Variants in GRM1 observed in about 807,000 individuals in gnomAD.
GRM1 encodes the protein metabotropic glutamate receptor 1.
GRM1 carries 33 observed loss-of-function variants against 90.9 expected under a neutral mutation model. That is an observed-to-expected ratio of 0.36 (90% CI 0.28 to 0.49). The LOEUF (loss-of-function observed/expected upper bound fraction) is 0.49. Among genes scored for constraint, GRM1 ranks in the 20% least tolerant of loss-of-function variants. GRM1 has a pLI of 0.99. For synonymous variants in GRM1, 700 were observed against 613.2 expected, an observed-to-expected ratio of 1.14 and a Z score of -2.09; for missense variants, 1,190 against 1,534.3, an observed-to-expected ratio of 0.78 and a Z score of 3.75.
chr6:146,049,089 C>T (rs1255196477), intron 1 of GRM1, among the ~76,000 whole-genome samples: 2 of 151,882 alleles, frequency 1.3e-5, no homozygotes, highest in African/African-American at 4.8e-5. Context: ...AACTGATGCT[C>T]ATCTTTTTAT....
At chr6:146,202,824 T>TAGTC (rs1373019956) in intron 2 of GRM1, among the ~76,000 whole-genome samples, 2 of 152,170 alleles carry the variant, frequency 1.3e-5, no homozygotes, top group Admixed American at 6.5e-5. Flanking sequence ...TTTTAAAAAT[T>TAGTC]AGTCGAAGGC....
chr6:146,059,931 A>G (rs1040410510), intron 1 of GRM1, among the ~76,000 whole-genome samples: 2 of 152,188 alleles, frequency 1.3e-5, no homozygotes, highest in African/African-American at 2.4e-5. Context: ...GGCTTGGCTT[A>G]AGGGAATGTT....
At chr6:146,266,483 A>T (rs553618667) in intron 2 of GRM1, among the ~76,000 whole-genome samples, 1 of 152,202 alleles carries the variant, frequency 6.6e-6, no homozygotes, top group Non-Finnish European at 1.5e-5. Flanking sequence ...AGAATTAATC[A>T]TCCAACAAGA....
chr6:146,047,429 A>G (rs2128845785), intron 1 of GRM1, among the ~76,000 whole-genome samples: 1 of 152,022 alleles, frequency 6.6e-6, no homozygotes. Flanking sequence ...TGATTTTAAG[A>G]AGGATACAGG....
At chr6:146,425,073 G>A (rs963054602) in intron 7 of GRM1, among the ~76,000 whole-genome samples, 1 of 151,936 alleles carries the variant, frequency 6.6e-6, no homozygotes, top group Non-Finnish European at 1.5e-5. Flanking sequence ...TTACACCAAG[G>A]TGTCTCAAAT....
intron 7 of GRM1, among the ~76,000 whole-genome samples, chr6:146,409,774 G>A (rs1038802556): frequency 2.0e-4 from 30 of 152,096 alleles, no homozygotes; most frequent in African/African-American, 6.8e-4. Flanking sequence ...ACAGAGTAAG[G>A]GAAGCCTTCT....
chr6:146,374,026 A>C (rs1418606029), intron 5 of GRM1, among the ~76,000 whole-genome samples: 5 of 152,098 alleles, frequency 3.3e-5, no homozygotes, highest in Non-Finnish European at 4.4e-5. Context: ...TATGATGTTG[A>C]GATATGTTCC....
At chr6:146,325,162 T>G (rs1414145370) in intron 3 of GRM1, among the ~76,000 whole-genome samples, 1 of 152,198 alleles carries the variant, frequency 6.6e-6, no homozygotes, top group Non-Finnish European at 1.5e-5. Context: ...GAGTTTCATG[T>G]TTCCACTAGT....
chr6:146,272,473 C>T (rs926667441), intron 2 of GRM1, among the ~76,000 whole-genome samples: 18 of 152,098 alleles, frequency 1.2e-4, no homozygotes, highest in African/African-American at 4.3e-4. Flanking sequence ...TTTATAGTGC[C>T]TAGAATAGTA....
chr6:146,272,359 A>T (rs1029551141), intron 2 of GRM1, among the ~76,000 whole-genome samples: 2 of 152,200 alleles, frequency 1.3e-5, no homozygotes, highest in Non-Finnish European at 2.9e-5. Context: ...TTTATATTTG[A>T]GATACAAAGT....
At chr6:146,141,856 A>G (rs1016457281) in intron 1 of GRM1, among the ~76,000 whole-genome samples, 1 of 152,214 alleles carries the variant, frequency 6.6e-6, no homozygotes, top group Non-Finnish European at 1.5e-5. Flanking sequence ...CCAAAAGGTC[A>G]CATATTTCTG....
intron 2 of GRM1, among the ~76,000 whole-genome samples, chr6:146,166,913 G>A (rs556414110): frequency 3.8e-4 from 58 of 152,162 alleles, no homozygotes; most frequent in Middle Eastern, 6.8e-3. Flanking sequence ...TAATTTATAT[G>A]TGCTCTTCAA....
At chr6:146,040,310 C>T (rs1455100959) in intron 1 of GRM1, among the ~76,000 whole-genome samples, 1 of 151,826 alleles carries the variant, frequency 6.6e-6, no homozygotes. Context: ...AATTTATATG[C>T]CACAACAACA....
At chr6:146,419,910 CA>C (rs1463746645) in intron 7 of GRM1, among the ~76,000 whole-genome samples, 1 of 152,132 alleles carries the variant, frequency 6.6e-6, no homozygotes, top group Non-Finnish European at 1.5e-5. Context: ...GACAGAGAGC[CA>C]AACCATATTC....
chr6:146,324,618 G>T (rs891456552), intron 3 of GRM1, among the ~76,000 whole-genome samples: 1 of 152,052 alleles, frequency 6.6e-6, no homozygotes, highest in African/African-American at 2.4e-5. Context: ...GTAGTACCTG[G>T]GCGGGAGTGC....
At chr6:146,173,903 G>A (rs963319117) in intron 2 of GRM1, among the ~76,000 whole-genome samples, 5 of 151,940 alleles carry the variant, frequency 3.3e-5, no homozygotes, top group Admixed American at 1.3e-4. Flanking sequence ...TGATCCGCCC[G>A]CCTTCGCTTC....
At chr6:146,375,507 T>C (rs999939752) in intron 5 of GRM1, among the ~76,000 whole-genome samples, 5 of 152,032 alleles carry the variant, frequency 3.3e-5, no homozygotes, top group African/African-American at 1.2e-4. Context: ...AAATCTCCAG[T>C]CATTATTGTA....
At chr6:146,246,772 A>G (rs1370382731) in intron 2 of GRM1, among the ~76,000 whole-genome samples, 1 of 152,234 alleles carries the variant, frequency 6.6e-6, no homozygotes, top group Non-Finnish European at 1.5e-5. Context: ...TGATGAAACC[A>G]GATATATTAA....
chr6:146,344,748 T>A (rs1345837445), intron 3 of GRM1, among the ~76,000 whole-genome samples: 2 of 152,224 alleles, frequency 1.3e-5, no homozygotes, highest in African/African-American at 4.8e-5. Flanking sequence ...AAGTACCAAC[T>A]AATAGAAGAA....
Sources: gnomAD v4.1 joint callset for allele counts (sites outside exome capture counted in the v4.1 genomes callset) on GRCh38, gnomAD v4.1.1 for gene constraint, MANE v1.5 for transcripts, NCBI Gene and HGNC (gene_info 2026-07-23, HGNC 2026-07-21) for gene names.